PLCB1: variants seen among roughly 807,000 people sequenced by gnomAD.
PLCB1 encodes 1-phosphatidylinositol 4,5-bisphosphate phosphodiesterase beta-1.
Under a neutral mutation model 161.8 loss-of-function variants are expected in PLCB1, and 46 were observed. That is an observed-to-expected ratio of 0.28 (90% CI 0.22 to 0.36). The LOEUF (loss-of-function observed/expected upper bound fraction) is 0.36, where lower values mean the gene tolerates loss of function less well. PLCB1 is among the 10% of genes least tolerant of loss of function. The pLI, the probability that PLCB1 is intolerant of heterozygous loss-of-function variation, is 1.00. For missense variants in PLCB1, 1,016 were observed against 1,472.5 expected, an observed-to-expected ratio of 0.69 and a Z score of 5.07; for synonymous variants, 517 against 503.7, an observed-to-expected ratio of 1.03 and a Z score of -0.35.
chr20:8,808,259 T>A (rs1984636985), intron 31 of PLCB1, among the ~76,000 whole-genome samples: 1 of 152,198 alleles, frequency 6.6e-6, no homozygotes, highest in African/African-American at 2.4e-5. Context: ...AAGATCAAGG[T>A]GCCCGCGAGA....
intron 1 of PLCB1, among the ~76,000 whole-genome samples, chr20:8,145,239 A>G (rs558353404): frequency 6.6e-6 from 1 of 152,274 alleles, no homozygotes; most frequent in African/African-American, 2.4e-5. Context: ...TTCTCCCTGC[A>G]TCTTCACATC....
intron 4 of PLCB1, among the ~76,000 whole-genome samples, chr20:8,643,658 G>A (rs1989026976): frequency 6.6e-6 from 1 of 152,164 alleles, no homozygotes; most frequent in Non-Finnish European, 1.5e-5. Flanking sequence ...GGGAGGCTGA[G>A]GCGGGTGGAT....
intron 11 of PLCB1, among the ~76,000 whole-genome samples, chr20:8,699,125 A>T (rs977590263): frequency 1.3e-5 from 2 of 152,116 alleles, no homozygotes; most frequent in Non-Finnish European, 2.9e-5. Context: ...CACCCCTTTA[A>T]ATGGGAATCA....
intron 5 of PLCB1, 54 bp from the exon 6 acceptor site, chr20:8,647,846 A>G (rs1989208516): frequency 2.8e-6 from 4 of 1,407,980 alleles, no homozygotes; most frequent in South Asian, 2.3e-5. Context: ...ATTGTTCAAG[A>G]AAAAAAAGCT....
intron 2 of PLCB1, among the ~76,000 whole-genome samples, chr20:8,277,535 A>G (rs1036602586): frequency 6.6e-6 from 1 of 152,016 alleles, no homozygotes; most frequent in Non-Finnish European, 1.5e-5. Context: ...TATTTCTTAG[A>G]CTCACAGTTT....
At chr20:8,282,932 T>TCTATCCCACA (rs112790028) in intron 2 of PLCB1, among the ~76,000 whole-genome samples, 75,262 of 151,606 alleles carry the variant, frequency 0.5, 20,865 homozygotes, top group African/African-American at 0.74. Context: ...AGAGTTTATT[T>TCTATCCCACA]CTACTCTGAG....
At chr20:8,587,723 C>A (rs1987032924) in intron 3 of PLCB1, among the ~76,000 whole-genome samples, 1 of 152,116 alleles carries the variant, frequency 6.6e-6, no homozygotes, top group Non-Finnish European at 1.5e-5. Flanking sequence ...AGTACTAATG[C>A]AGAATTTGTT....
chr20:8,542,098 T>G (rs1985356526), intron 3 of PLCB1, among the ~76,000 whole-genome samples: 1 of 152,210 alleles, frequency 6.6e-6, no homozygotes, highest in Admixed American at 6.5e-5. Context: ...GATGATATCT[T>G]TCTTTCTCAC....
At chr20:8,789,700 G>T in intron 30 of PLCB1, 125 bp downstream of exon 30, 1 of 729,598 alleles carries the variant, frequency 1.4e-6, no homozygotes, top group South Asian at 1.7e-5. Context: ...ACCTAGCAGA[G>T]CTGTTTCACA....
chr20:8,152,640 A>G (rs2051521147), intron 2 of PLCB1, among the ~76,000 whole-genome samples: 1 of 152,140 alleles, frequency 6.6e-6, no homozygotes, highest in Non-Finnish European at 1.5e-5. Flanking sequence ...CAGAAAACAA[A>G]AAAAAAATGT....
intron 2 of PLCB1, among the ~76,000 whole-genome samples, chr20:8,165,109 C>T (rs1283267018): frequency 6.6e-6 from 1 of 152,168 alleles, no homozygotes; most frequent in Admixed American, 6.5e-5. Context: ...GTATAGTTTT[C>T]TAATCTGGGC....
intron 4 of PLCB1, among the ~76,000 whole-genome samples, chr20:8,645,796 C>T (rs1178181081): frequency 2.0e-5 from 3 of 152,052 alleles, no homozygotes; most frequent in African/African-American, 7.2e-5. Flanking sequence ...GTTTATAATT[C>T]AAGGAAATAG....
At chr20:8,552,928 T>G (rs1459717508) in intron 3 of PLCB1, among the ~76,000 whole-genome samples, 1 of 152,144 alleles carries the variant, frequency 6.6e-6, no homozygotes, top group East Asian at 1.9e-4. Context: ...CTCAGGGAGT[T>G]ATTGAGAATT....
Position 8,523,518 on chromosome 20 carries a change from A to G in PLCB1, c.247-104776A>G, listed in dbSNP as rs1194303762. On this transcript the variant is annotated intron_variant, in intron 3 of 31. Coordinates refer to ENST00000338037, the MANE Select transcript of PLCB1 (RefSeq NM_015192.4). Reference sequence around the variant, plus strand: ...TCTCTATATATATATATATATATATATATGGAGAGAGACAACACCTCCAAA... The same window carrying G: ...TCTCTATATATATATATATATATATGTATGGAGAGAGACAACACCTCCAAA... Among the ~76,000 whole-genome samples, 8 of 126,110 alleles carry G rather than the reference A, an allele frequency of 6.3e-5. 1 individual carries two copies. The South Asian group carries it at 1.6e-3, about 26-fold the overall frequency. The allele number at this position is 126,110 out of a possible 152,430, so 82.7% of individuals were successfully genotyped here. A position where few individuals can be genotyped will look rare whatever the true frequency, so the allele number is the denominator to read the frequency against.
intron 31 of PLCB1, among the ~76,000 whole-genome samples, chr20:8,864,723 A>C (rs1987367836): frequency 6.6e-6 from 1 of 152,224 alleles, no homozygotes; most frequent in Non-Finnish European, 1.5e-5. Flanking sequence ...TCAACCAAGA[A>C]CTAGAACAGG....
At chr20:8,681,092 A>AT (rs1568558149) in intron 9 of PLCB1, among the ~76,000 whole-genome samples, 14 of 71,516 alleles carry the variant, frequency 2.0e-4, no homozygotes, top group African/African-American at 1.0e-3. Context: ...GTGTGTATAT[A>AT]TATATATATA....
chr20:8,290,371 A>G (rs561218031), intron 2 of PLCB1, among the ~76,000 whole-genome samples: 3 of 152,268 alleles, frequency 2.0e-5, no homozygotes, highest in Admixed American at 2.0e-4. Context: ...GAGGAAGCCA[A>G]ATAGGGGATG....
chr20:8,132,361 C>T lies in PLCB1; in HGVS notation c.-291C>T, dbSNP rs1214045987. 3.2e-4 allele frequency: 79 copies of T among 250,624 alleles called. 2 individuals are homozygous for T. In the East Asian group the frequency reaches 6.0e-3, roughly 19 times the overall value. 15.5% of individuals were successfully genotyped at this position (250,624 alleles called of 1,614,324 possible). ...CAGAATCCGCCGCGACTGGCAGCCTCGGCTGACCGGCTCGGCTTCTCTTCG... is the reference window on the plus strand; with the variant it reads ...CAGAATCCGCCGCGACTGGCAGCCTTGGCTGACCGGCTCGGCTTCTCTTCG... On this transcript the variant is annotated 5_prime_UTR_variant, in exon 1 of 32. Coordinates refer to ENST00000338037, the MANE Select transcript of PLCB1 (RefSeq NM_015192.4). The surrounding 1 kb of genome is among the most constrained non-coding windows in gnomAD (Gnocchi z 5.2).
chr20:8,718,985 A>G (rs1452853060), intron 14 of PLCB1, among the ~76,000 whole-genome samples: 1 of 152,174 alleles, frequency 6.6e-6, no homozygotes, highest in African/African-American at 2.4e-5. Flanking sequence ...GCCTAATATC[A>G]TTTCTTTTCC....
Sources: allele counts gnomAD v4.1 joint callset (sites outside exome capture counted in the v4.1 genomes callset), GRCh38; gene constraint gnomAD v4.1.1; non-coding constraint Gnocchi (gnomAD v3.1); transcripts MANE v1.5; gene names NCBI Gene and HGNC (gene_info 2026-07-23, HGNC 2026-07-21).